Variants in SKAP2 observed in about 807,000 individuals in gnomAD.
SKAP2 encodes src kinase associated phosphoprotein 2, also known as src kinase-associated phosphoprotein 2.
In SKAP2, 28 loss-of-function variants were observed where a neutral mutation model predicts 54.9. The ratio of observed to expected loss-of-function variants is 0.51; its 90% CI spans 0.38 to 0.70. The LOEUF (loss-of-function observed/expected upper bound fraction) is 0.70, where lower values mean the gene tolerates loss of function less well. SKAP2 is among the 30% of genes least tolerant of loss of function. The pLI is 0.00. For synonymous variants in SKAP2, 137 were observed against 134.3 expected (o/e 1.02, Z -0.14); for missense variants, 356 against 424.1 (o/e 0.84, Z 1.41).
At chr7:26,769,139 G>A (rs921025424) in intron 4 of SKAP2, among the ~76,000 whole-genome samples, 4 of 152,112 alleles carry the variant, frequency 2.6e-5, no homozygotes, top group Non-Finnish European at 5.9e-5. Context: ...ATATTTCTTG[G>A]AGGCTTTGTT....
intron 2 of SKAP2, 50 bp from the exon 3 acceptor site, chr7:26,854,212 G>C (rs765736717): frequency 8.4e-7 from 1 of 1,190,338 alleles, no homozygotes; most frequent in Middle Eastern, 2.0e-4. Context: ...ATCAAAACAA[G>C]GTCTAATCAG....
chr7:26,750,442 C>T (rs965073919), intron 4 of SKAP2, among the ~76,000 whole-genome samples: 4 of 151,536 alleles, frequency 2.6e-5, no homozygotes, highest in African/African-American at 9.7e-5. Context: ...TCCCAAGTAG[C>T]TGGGATTACA....
chr7:26,799,582 G>T (rs1562615129), intron 4 of SKAP2, among the ~76,000 whole-genome samples: 1 of 152,134 alleles, frequency 6.6e-6, no homozygotes, highest in Non-Finnish European at 1.5e-5. Flanking sequence ...CAGAGCTAAA[G>T]AAAGAGATAG....
intron 4 of SKAP2, among the ~76,000 whole-genome samples, chr7:26,775,463 A>G (rs944292894): frequency 3.3e-5 from 5 of 152,160 alleles, no homozygotes; most frequent in African/African-American, 1.2e-4. Context: ...TAGTATAATT[A>G]CACAACCAGG....
chr7:26,777,038 T>C lies in SKAP2; in HGVS notation c.308-37074A>G, dbSNP rs187842888. ...GGAGTGCTTTCTCAGGAAACCAAAA[T>C]GTAGCTGGGACTTCCAGGAGGTCAA... is the stretch of plus-strand genomic sequence containing the variant. On this transcript the variant is annotated intron_variant, in intron 4 of 12. Transcript: ENST00000345317. 4.0e-3 allele frequency among the ~76,000 whole-genome samples: 614 copies of C among 152,204 alleles called. 4 individuals are homozygous for C. Among genetic ancestry groups the C allele is most frequent in the Admixed American group, 9.4e-3 (144 of 15,286 alleles).
At chr7:26,804,833 T>C (rs1783993420) in intron 4 of SKAP2, among the ~76,000 whole-genome samples, 1 of 151,992 alleles carries the variant, frequency 6.6e-6, no homozygotes, top group Admixed American at 6.6e-5. Context: ...ATTTTTTAAA[T>C]TCACCATCAA....
At chr7:26,665,181 G>A (rs1024076495), downstream of SKAP2, among the ~76,000 whole-genome samples, 67 of 152,254 alleles carry the variant, frequency 4.4e-4, no homozygotes, top group African/African-American at 1.6e-3. Context: ...CAAGTGGAAT[G>A]CAGGGCAGCA....
chr7:26,725,186 T>C (rs571425800), intron 9 of SKAP2, among the ~76,000 whole-genome samples: 2 of 152,258 alleles, frequency 1.3e-5, no homozygotes, highest in Admixed American at 1.3e-4. Flanking sequence ...ATTAGTATTG[T>C]ATCTGCTTCA....
In SKAP2 at chr7:26,751,483, T is replaced by G. The variant is rs546103783; in HGVS notation, c.308-11519A>C. 1.3e-3 allele frequency among the ~76,000 whole-genome samples: 197 copies of G among 152,308 alleles called. 1 individual carries two copies. Among genetic ancestry groups the G allele is most frequent in the African/African-American group, 4.4e-3 (185 of 41,576 alleles). On this transcript the variant is annotated intron_variant, in intron 4 of 12. Coordinates refer to ENST00000345317, the MANE Select transcript of SKAP2 (RefSeq NM_003930.5). ...TTCTTAATGCTTTAGTCTTCATAGG[T>G]AAATAGTATACCTGTTTCTATTTAA...
chr7:26,754,402 A>G (rs1782747054), intron 4 of SKAP2, among the ~76,000 whole-genome samples: 2 of 15,076 alleles, frequency 1.3e-4, no homozygotes, highest in African/African-American at 2.8e-4. Context: ...CAAGATGTGA[A>G]AAAAAAAAAA....
chr7:26,851,752 T>C (rs1371102810), intron 3 of SKAP2, among the ~76,000 whole-genome samples: 1 of 150,940 alleles, frequency 6.6e-6, no homozygotes, highest in Non-Finnish European at 1.5e-5. Flanking sequence ...CCTCAAACTG[T>C]AAAATCTGTA....
At chr7:26,854,992 C>A (rs1397543097) in intron 1 of SKAP2, 102 bp from the exon 2 acceptor site, 11 of 753,868 alleles carry the variant, frequency 1.5e-5, no homozygotes, top group Non-Finnish European at 2.3e-5. Context: ...GTGTTAATAC[C>A]TGTACAATTT....
At chr7:26,664,278 A>G (rs1044088401), downstream of SKAP2, among the ~76,000 whole-genome samples, 1 of 152,160 alleles carries the variant, frequency 6.6e-6, no homozygotes, top group Non-Finnish European at 1.5e-5. Flanking sequence ...TAGGGTTGTT[A>G]TAAGAATTGA....
chr7:26,862,084 A>C (rs1785283448), intron 1 of SKAP2, among the ~76,000 whole-genome samples: 1 of 152,006 alleles, frequency 6.6e-6, no homozygotes, highest in South Asian at 2.1e-4. Context: ...AGCCAGCAAT[A>C]TCTCTAATAT....
intron 11 of SKAP2, 54 bp from the exon 12 acceptor site, chr7:26,670,246 C>A: frequency 1.3e-6 from 1 of 793,074 alleles, no homozygotes; most frequent in South Asian, 1.4e-5. Flanking sequence ...AGTACAATGT[C>A]GTTTGTATGC....
chr7:26,711,483 G>T (rs546733568), intron 9 of SKAP2, among the ~76,000 whole-genome samples: 2 of 152,316 alleles, frequency 1.3e-5, no homozygotes, highest in African/African-American at 4.8e-5. Context: ...AGTTTGATCT[G>T]TGTGCTATTT....
chr7:26,727,318 A>G (rs1440320742), intron 6 of SKAP2, among the ~76,000 whole-genome samples: 1 of 151,852 alleles, frequency 6.6e-6, no homozygotes. Flanking sequence ...CCCACCACAA[A>G]CCTTTGGCTC....
intron 4 of SKAP2, among the ~76,000 whole-genome samples, chr7:26,770,177 A>C (rs2127974533): frequency 6.6e-6 from 1 of 152,284 alleles, no homozygotes; most frequent in East Asian, 1.9e-4. Flanking sequence ...CTAGAGAGGC[A>C]GTCTGGTTAC....
chr7:26,818,957 CT>C (rs1233990150), intron 4 of SKAP2, among the ~76,000 whole-genome samples: 1 of 152,142 alleles, frequency 6.6e-6, no homozygotes, highest in African/African-American at 2.4e-5. Flanking sequence ...AATACAAATG[CT>C]TTTACACTGT....
Sources: gnomAD v4.1 joint callset for allele counts (sites outside exome capture counted in the v4.1 genomes callset) on GRCh38, gnomAD v4.1.1 for gene constraint, MANE v1.5 for transcripts, NCBI Gene and HGNC (gene_info 2026-07-23, HGNC 2026-07-21) for gene names.